ECPAS: variants seen among roughly 807,000 people sequenced by gnomAD.
The protein encoded by ECPAS is proteasome adapter and scaffold protein ECM29.
ECPAS carries 70 observed loss-of-function variants against 255.1 expected under a neutral mutation model. The ratio of observed to expected loss-of-function variants is 0.27; its 90% CI spans 0.23 to 0.33. The LOEUF (loss-of-function observed/expected upper bound fraction) is 0.33, where lower values mean the gene tolerates loss of function less well. Among genes scored for constraint, ECPAS ranks in the 10% least tolerant of loss-of-function variants. The pLI is 1.00. For synonymous variants in ECPAS, 784 were observed against 775.0 expected, an observed-to-expected ratio of 1.01 and a Z score of -0.19; for missense variants, 1,817 against 2,206.4, an observed-to-expected ratio of 0.82 and a Z score of 3.54.
Position 111,410,110 on chromosome 9 carries a change from A to C in ECPAS, c.2481T>G (p.Ser827=). The C allele has an allele frequency of 6.2e-7, 1 of 1,606,168 alleles. No individual in the cohort carries two copies. Among genetic ancestry groups the C allele is most frequent in the Non-Finnish European group, 8.5e-7 (1 of 1,176,260 alleles). Residue 827 remains serine, a synonymous_variant, in exon 23 of 50, where the codon TCT becomes TCG. Coordinates refer to ENST00000684092, the MANE Select transcript of ECPAS (RefSeq NM_001364929.1). ...NGPLPIPSEG[S]GFTKLHLVES... ...CTACAAGATGCAATTTGGTAAAGCC[A>C]GATCCCTCACTGGGGATTGGAAGTG... is the stretch of plus-strand genomic sequence containing the variant.
intron 48 of ECPAS, chr9:111,365,964 C>T (rs1038646155): frequency 1.6e-5 from 7 of 440,756 alleles, no homozygotes; most frequent in East Asian, 8.4e-5. Context: ...CATGTACTGT[C>T]GTTGCAACCA....
At chr9:111,400,380 G>A (rs957540443) in intron 24 of ECPAS, among the ~76,000 whole-genome samples, 5 of 152,170 alleles carry the variant, frequency 3.3e-5, no homozygotes, top group Admixed American at 6.5e-5. Flanking sequence ...CACAAGCATC[G>A]AGGACATTTG....
intron 29 of ECPAS, among the ~76,000 whole-genome samples, chr9:111,391,158 G>A (rs553548851): frequency 2.0e-5 from 3 of 152,258 alleles, no homozygotes; most frequent in South Asian, 2.1e-4. Flanking sequence ...TAGCAGTTCC[G>A]CCCCTCCCTC....
chr9:111,388,475 A>G (rs957603227), intron 31 of ECPAS, among the ~76,000 whole-genome samples: 3 of 151,320 alleles, frequency 2.0e-5, no homozygotes, highest in African/African-American at 7.3e-5. Context: ...TCAGCCTAGT[A>G]CCAGACAGGA....
At chr9:111,383,465 G>T in intron 34 of ECPAS, 133 bp from the exon 35 acceptor site, 1 of 1,216,282 alleles carries the variant, frequency 8.2e-7, no homozygotes, top group Non-Finnish European at 1.1e-6. Context: ...ACACTACAGA[G>T]ACACAGAGGA....
intron 9 of ECPAS, 63 bp from the exon 10 acceptor site, chr9:111,428,224 T>G (rs893710647): frequency 1.3e-5 from 20 of 1,494,726 alleles, no homozygotes; most frequent in Non-Finnish European, 3.6e-6. Flanking sequence ...GAAAATGTCA[T>G]GAGAATTCAT....
chr9:111,483,406 A>C, intron 1 of ECPAS: 1 of 489,162 alleles, frequency 2.0e-6, no homozygotes, highest in South Asian at 8.7e-5. Context: ...CCGCCCGCCC[A>C]CCGGGCCTGG....
chr9:111,449,164 T>C (rs1340216783), intron 3 of ECPAS, among the ~76,000 whole-genome samples: 1 of 152,010 alleles, frequency 6.6e-6, no homozygotes, highest in East Asian at 1.9e-4. Flanking sequence ...TAAGAACCAT[T>C]GCCAGGTTAT....
rs555718050 is a variant in ECPAS, at chr9:111,422,970, A to T, written c.1265+229T>A. Among the ~76,000 whole-genome samples, 16 of 152,304 alleles carry T rather than the reference A, an allele frequency of 1.1e-4. No homozygotes were observed. The South Asian group carries it at 1.2e-3, about 12-fold the overall frequency. ...CCCATTATGACACAATTAAGTTCAA[A>T]CTCTCATTTCAAGACCACCATTTAA... On this transcript the variant is annotated intron_variant, in intron 13 of 49. Transcript: ENST00000684092.
intron 1 of ECPAS, among the ~76,000 whole-genome samples, chr9:111,479,432 C>T (rs902490509): frequency 6.6e-6 from 1 of 151,168 alleles, no homozygotes. Flanking sequence ...CCTGTCTCTA[C>T]CAAAAAAAAA....
intron 22 of ECPAS, 39 bp from the exon 23 acceptor site, chr9:111,410,252 T>A (rs765641692): frequency 9.6e-6 from 15 of 1,555,888 alleles, no homozygotes; most frequent in Non-Finnish European, 1.3e-5. Context: ...TTACATACCA[T>A]TATCCTTACG....
chr9:111,474,536 T>C (rs1233652059), intron 1 of ECPAS, among the ~76,000 whole-genome samples: 2 of 152,180 alleles, frequency 1.3e-5, no homozygotes, highest in Admixed American at 1.3e-4. Flanking sequence ...CAATCAGTGT[T>C]ACACCAATGC....
At chr9:111,465,495 G>A (rs931851434) in intron 2 of ECPAS, among the ~76,000 whole-genome samples, 10 of 151,910 alleles carry the variant, frequency 6.6e-5, no homozygotes, top group African/African-American at 1.5e-4. Context: ...AGCCGAGATC[G>A]TGCCATTGCA....
intron 1 of ECPAS, among the ~76,000 whole-genome samples, chr9:111,482,655 A>C (rs1487608300): frequency 1.3e-5 from 2 of 152,076 alleles, no homozygotes; most frequent in African/African-American, 4.8e-5. Flanking sequence ...TTGGGAGAAA[A>C]AAAAAAAGGG....
At chr9:111,375,079 G>T in intron 38 of ECPAS, 34 bp downstream of exon 38, 1 of 1,459,248 alleles carries the variant, frequency 6.9e-7, no homozygotes, top group Non-Finnish European at 9.6e-7. Flanking sequence ...AACTAATGAA[G>T]ATGCACATTT....
chr9:111,409,103 A>C (rs985190900), intron 23 of ECPAS, among the ~76,000 whole-genome samples: 11 of 152,176 alleles, frequency 7.2e-5, no homozygotes, highest in African/African-American at 2.7e-4. Flanking sequence ...ATTTCACTAG[A>C]CCTTTTAGAA....
intron 24 of ECPAS, among the ~76,000 whole-genome samples, chr9:111,402,146 T>G (rs1396330789): frequency 6.6e-6 from 1 of 152,240 alleles, no homozygotes; most frequent in Non-Finnish European, 1.5e-5. Flanking sequence ...CATAAGAAAT[T>G]ATAAAAGTAT....
In ECPAS at chr9:111,416,332, A is replaced by G; in HGVS notation, c.1704T>C (p.Thr568=). ...TGGTCCCGGTCATGTACTTGACTGG[A>G]GTTTTCATTCGATGAGAAGCCTAAG... ...IQEKASHRMK[T]PVKYMTGTTV... is the part of the protein sequence containing the mutation. The change falls in exon 18 of 50, where the codon ACT becomes ACC. Residue 568 remains threonine (T), a synonymous_variant. Transcript: ENST00000684092. 6.2e-7 allele frequency: 1 copy of G among 1,613,708 alleles called. No homozygotes were observed. Among genetic ancestry groups the G allele is most frequent in the Middle Eastern group, 1.6e-4 (1 of 6,062 alleles).
chr9:111,451,623 T>A lies in ECPAS; in HGVS notation c.23-68A>T, dbSNP rs796313140. ...ACACAACCAAGACCAATTATTTTTA[T>A]AGCTTATTCTTTTTTTCTGTACTGC... On this transcript the variant is annotated intron_variant, in intron 2 of 49. Coordinates refer to ENST00000684092, the MANE Select transcript of ECPAS (RefSeq NM_001364929.1). 5.7e-5 allele frequency: 80 copies of A among 1,411,864 alleles called. No individual in the cohort carries two copies. The African/African-American group carries it at 1.1e-3, about 19-fold the overall frequency. The allele number at this position is 1,411,864 out of a possible 1,614,324, so 87.5% of individuals were successfully genotyped here. A position where few individuals can be genotyped will look rare whatever the true frequency, so the allele number is the denominator to read the frequency against.
Sources: allele counts gnomAD v4.1 joint callset (sites outside exome capture counted in the v4.1 genomes callset), GRCh38; gene constraint gnomAD v4.1.1; transcripts MANE v1.5; gene names NCBI Gene and HGNC (gene_info 2026-07-23, HGNC 2026-07-21).